The following FASTKD1 variants were observed in gnomAD, a reference collection of about 807,000 sequenced individuals.
The protein encoded by FASTKD1 is FAST kinase domain-containing protein 1, mitochondrial.
Under a neutral mutation model 90.9 loss-of-function variants are expected in FASTKD1, and 94 were observed. The ratio of observed to expected loss-of-function variants is 1.03; its 90% CI spans 0.88 to 1.23. The LOEUF (loss-of-function observed/expected upper bound fraction) is 1.23, where lower values mean the gene tolerates loss of function less well. Ranked by LOEUF, FASTKD1 falls within the 50% of genes most tolerant of loss-of-function variation. FASTKD1 has a pLI of 0.00. For missense variants in FASTKD1, 945 were observed against 993.5 expected, an observed-to-expected ratio of 0.95 and a Z score of 0.66; for synonymous variants, 319 against 345.8, an observed-to-expected ratio of 0.92 and a Z score of 0.86.
intron 12 of FASTKD1, among the ~76,000 whole-genome samples, chr2:169,535,388 G>C (rs908977837): frequency 4.6e-5 from 7 of 151,928 alleles, no homozygotes; most frequent in African/African-American, 7.3e-5. Flanking sequence ...TGCCCAGGCT[G>C]GTCTCAAACT....
intron 3 of FASTKD1, among the ~76,000 whole-genome samples, chr2:169,565,366 C>G (rs1284919036): frequency 1.3e-5 from 2 of 148,856 alleles, no homozygotes; most frequent in Admixed American, 1.4e-4. Flanking sequence ...GAGTTCACGC[C>G]ATTCTCCTGC....
intron 7 of FASTKD1, among the ~76,000 whole-genome samples, chr2:169,549,912 G>A (rs956275366): frequency 4.6e-5 from 7 of 152,154 alleles, no homozygotes; most frequent in Non-Finnish European, 8.8e-5. Flanking sequence ...TTAGCAGTAC[G>A]GCTTTGAAAA....
At chr2:169,556,516 G>A (rs924634097) in intron 6 of FASTKD1, among the ~76,000 whole-genome samples, 9 of 151,712 alleles carry the variant, frequency 5.9e-5, no homozygotes, top group African/African-American at 1.7e-4. Flanking sequence ...ATCACTTGAG[G>A]TCAGGAGTTC....
At chr2:169,540,260 G>T in intron 9 of FASTKD1, 81 bp from the exon 10 acceptor site, 1 of 1,314,970 alleles carries the variant, frequency 7.6e-7, no homozygotes, top group Non-Finnish European at 1.0e-6. Flanking sequence ...GCAAACCCAG[G>T]TTTTTAAAAA....
At chr2:169,532,849 G>A (rs969739684) in intron 12 of FASTKD1, among the ~76,000 whole-genome samples, 6 of 152,126 alleles carry the variant, frequency 3.9e-5, no homozygotes, top group African/African-American at 1.4e-4. Flanking sequence ...TGCATGAGAC[G>A]TATGAGGAAT....
intron 10 of FASTKD1, among the ~76,000 whole-genome samples, chr2:169,539,289 G>GA (rs1684866860): frequency 6.7e-6 from 1 of 150,032 alleles, no homozygotes; most frequent in Non-Finnish European, 1.5e-5. Flanking sequence ...AAAAGAAAAA[G>GA]AAAAAGAAAG....
chr2:169,564,946 A>ATTTTTTTTTTTTTTTTTTTTTTTTTTTTT (rs151140092), intron 3 of FASTKD1, among the ~76,000 whole-genome samples: 1 of 130,938 alleles, frequency 7.6e-6, no homozygotes, highest in Non-Finnish European at 1.6e-5. Flanking sequence ...TATATACCAC[A>ATTTTTTTTTTTTTTTTTTTTTTTTTTTTT]TTTTTCTTTT....
intron 6 of FASTKD1, among the ~76,000 whole-genome samples, chr2:169,555,590 C>T (rs1390371797): frequency 3.9e-5 from 6 of 152,164 alleles, no homozygotes; most frequent in Non-Finnish European, 8.8e-5. Context: ...CCAAGAGTTA[C>T]CAATAATTAG....
chr2:169,529,122 T>C lies in FASTKD1; in HGVS notation c.*703A>G, dbSNP rs1684371600. On this transcript the variant is annotated 3_prime_UTR_variant, in exon 15 of 15. Transcript: ENST00000453153. ...CATTTACTGAATTCTCTATTTGATATATCCACTTAGATGTTTAAAAGACAT... is the reference window on the plus strand; with the variant it reads ...CATTTACTGAATTCTCTATTTGATACATCCACTTAGATGTTTAAAAGACAT... Among the ~76,000 whole-genome samples, 1 of 152,208 alleles carries C rather than the reference T, an allele frequency of 6.6e-6. No individual in the cohort carries two copies. Among genetic ancestry groups the C allele is most frequent in the African/African-American group, 2.4e-5 (1 of 41,458 alleles).
chr2:169,568,457 A>C (rs894247113), intron 3 of FASTKD1, among the ~76,000 whole-genome samples: 2 of 151,726 alleles, frequency 1.3e-5, no homozygotes, highest in Non-Finnish European at 2.9e-5. Context: ...ACTATTCCCC[A>C]CTCTTAAAGA....
rs113619034 is a variant in FASTKD1, at chr2:169,544,428, G to A, written c.1816+293C>T. Among the ~76,000 whole-genome samples, 71 of 152,026 alleles carry A rather than the reference G, an allele frequency of 4.7e-4. 1 individual carries two copies. Among genetic ancestry groups the A allele is most frequent in the African/African-American group, 1.6e-3 (66 of 41,464 alleles). On this transcript the variant is annotated intron_variant, in intron 9 of 14. Transcript: ENST00000453153. ...GTACTAAAAATGCAAAAAATTAGCC[G>A]GGTGTGGTGGCACATGCTTATAGTC...
intron 3 of FASTKD1, among the ~76,000 whole-genome samples, chr2:169,567,320 G>A (rs1419116020): frequency 1.3e-5 from 2 of 152,088 alleles, no homozygotes; most frequent in Non-Finnish European, 2.9e-5. Flanking sequence ...TACACATAAC[G>A]TATCCTTGCT....
intron 7 of FASTKD1, among the ~76,000 whole-genome samples, chr2:169,552,876 A>C (rs1337179754): frequency 1.3e-5 from 2 of 152,132 alleles, no homozygotes; most frequent in Non-Finnish European, 2.9e-5. Context: ...ACAAAAAACC[A>C]CTTGTACCCC....
chr2:169,546,977 C>A (rs1229444359), intron 7 of FASTKD1, among the ~76,000 whole-genome samples: 3 of 152,166 alleles, frequency 2.0e-5, no homozygotes, highest in South Asian at 2.1e-4. Context: ...GTGTCAGATC[C>A]CACAGGTTGG....
At chr2:169,552,509 G>T (rs1249030144) in intron 7 of FASTKD1, among the ~76,000 whole-genome samples, 3 of 151,922 alleles carry the variant, frequency 2.0e-5, no homozygotes, top group Non-Finnish European at 2.9e-5. Flanking sequence ...AAGAAAATGT[G>T]GTAAATATAC....
intron 12 of FASTKD1, 146 bp from the exon 13 acceptor site, chr2:169,531,636 T>C (rs1684498748): frequency 1.6e-6 from 1 of 629,406 alleles, no homozygotes; most frequent in African/African-American, 1.8e-5. Context: ...TTATCCAAGT[T>C]ATTTTTATAA....
chr2:169,569,290 T>G (rs866794551), intron 2 of FASTKD1, 38 bp from the exon 3 acceptor site: 2 of 1,574,638 alleles, frequency 1.3e-6, no homozygotes, highest in Middle Eastern at 3.5e-4. Flanking sequence ...ACATAATCAT[T>G]TTAAAATCAT....
intron 9 of FASTKD1, 145 bp from the exon 10 acceptor site, chr2:169,540,324 G>C: frequency 1.2e-6 from 1 of 814,882 alleles, no homozygotes; most frequent in East Asian, 3.0e-5. Context: ...ACAGGATAAT[G>C]GTTAAGTGGT....
intron 4 of FASTKD1, among the ~76,000 whole-genome samples, chr2:169,561,703 C>A (rs1444172457): frequency 6.2e-5 from 9 of 145,018 alleles, no homozygotes; most frequent in African/African-American, 2.0e-4. Context: ...AATTATTAAT[C>A]TATTATAAAT....
Sources: gnomAD v4.1 joint callset for allele counts (sites outside exome capture counted in the v4.1 genomes callset) on GRCh38, gnomAD v4.1.1 for gene constraint, MANE v1.5 for transcripts, NCBI Gene and HGNC (gene_info 2026-07-23, HGNC 2026-07-21) for gene names.